FBXO16: variants seen among roughly 807,000 people sequenced by gnomAD.
The protein encoded by FBXO16 is F-box protein 16, also known as F-box only protein 16.
In FBXO16, 31 loss-of-function variants were observed where a neutral mutation model predicts 41.0. The ratio of observed to expected loss-of-function variants is 0.76; its 90% CI spans 0.57 to 1.02. The LOEUF (loss-of-function observed/expected upper bound fraction) is 1.02, where lower values mean the gene tolerates loss of function less well. Among genes scored for constraint, FBXO16 ranks in the 50% least tolerant of loss-of-function variants. The pLI is 0.00. For missense variants in FBXO16, 361 were observed against 346.2 expected (o/e 1.04, Z -0.34); for synonymous variants, 133 against 117.8 (o/e 1.13, Z -0.84).
intron 1 of FBXO16, among the ~76,000 whole-genome samples, chr8:28,489,636 G>T (rs1277179002): frequency 6.6e-6 from 1 of 151,742 alleles, no homozygotes; most frequent in Non-Finnish European, 1.5e-5. Context: ...GGAGTTCAAG[G>T]CTGCAGTGAG....
chr8:28,468,457 C>T (rs978458661), intron 3 of FBXO16, among the ~76,000 whole-genome samples: 9 of 152,112 alleles, frequency 5.9e-5, no homozygotes, highest in African/African-American at 2.2e-4. Context: ...ATTGGTTATA[C>T]GATCTCTTCT....
At chr8:28,460,280 A>C in intron 4 of FBXO16, among the ~76,000 whole-genome samples, 1 of 118,430 alleles carries the variant, frequency 8.4e-6, no homozygotes. Flanking sequence ...ACAAAGTCTC[A>C]CCCTGTTGCT....
Position 28,452,317 on chromosome 8 carries a change from C to T in FBXO16, c.667G>A (p.Asp223Asn), listed in dbSNP as rs770942534. The T allele has an allele frequency of 6.2e-6, 10 of 1,614,046 alleles. No homozygotes were observed. The highest frequency in any genetic ancestry group is 1.3e-5 in the African/African-American group (1 of 74,916). The change falls in exon 6 of 9, where the codon GAT (aspartate) becomes AAT (asparagine). Residue 223 changes from aspartate to asparagine, a missense_variant. Coordinates refer to ENST00000380254, the MANE Select transcript of FBXO16 (RefSeq NM_172366.4). ...EKALPPWRSS[D>N]KHPTDIIRFN... ...CGAATGATATCTGTTGGGTGCTTAT[C>T]AGAAGATCGCCAGGGTGGAAGTGCT... is the stretch of plus-strand genomic sequence containing the variant.
At chr8:28,462,427 C>T (rs201873985) in intron 4 of FBXO16, among the ~76,000 whole-genome samples, 12 of 151,788 alleles carry the variant, frequency 7.9e-5, no homozygotes, top group African/African-American at 2.7e-4. Flanking sequence ...TACAGGCGCC[C>T]GCCACCACGC....
chr8:28,465,903 G>T (rs1428806858), intron 3 of FBXO16, among the ~76,000 whole-genome samples: 1 of 152,092 alleles, frequency 6.6e-6, no homozygotes, highest in South Asian at 2.1e-4. Context: ...CTCCATTCTG[G>T]GTTGGTTTGG....
chr8:28,428,835 A>G, intron 8 of FBXO16, 99 bp from the exon 9 acceptor site: 2 of 1,309,878 alleles, frequency 1.5e-6, no homozygotes, highest in Non-Finnish European at 2.0e-6. Flanking sequence ...GATTTTACAA[A>G]ATTATAGGGC....
chr8:28,449,069 A>G (rs996406251), intron 6 of FBXO16: 4 of 152,196 alleles, frequency 2.6e-5, no homozygotes, highest in Admixed American at 6.5e-5. Flanking sequence ...TGTTCAGTAT[A>G]TACGTAAGCC....
chr8:28,472,989 G>C (rs1376871538), intron 3 of FBXO16, among the ~76,000 whole-genome samples: 2 of 152,068 alleles, frequency 1.3e-5, no homozygotes, highest in Admixed American at 6.5e-5. Context: ...AACTGTATCA[G>C]AACCAGCTGG....
intron 2 of FBXO16, among the ~76,000 whole-genome samples, chr8:28,481,252 T>C (rs1803507505): frequency 1.3e-5 from 2 of 152,094 alleles, no homozygotes; most frequent in Admixed American, 6.5e-5. Context: ...GGGACAAGAA[T>C]AGAGGATGGA....
chr8:28,480,741 G>T (rs1229683908), intron 2 of FBXO16, among the ~76,000 whole-genome samples: 5 of 152,120 alleles, frequency 3.3e-5, no homozygotes, highest in African/African-American at 1.2e-4. Context: ...CTGACCTCAG[G>T]TGATCCACTC....
chr8:28,443,111 C>T (rs1014048248), intron 7 of FBXO16, among the ~76,000 whole-genome samples: 4 of 151,844 alleles, frequency 2.6e-5, no homozygotes, highest in Admixed American at 2.0e-4. Context: ...TTCAAACTCC[C>T]GGGCTCAAGT....
At position 28,484,144 on chromosome 8, in the gene FBXO16, C is replaced by T. The variant is rs1205379117; in HGVS notation, c.-16-682G>A. Among the ~76,000 whole-genome samples the T allele has an allele frequency of 1.3e-5, 2 of 152,274 alleles. 1 individual carries two copies. Among genetic ancestry groups the T allele is most frequent in the South Asian group, 4.1e-4 (2 of 4,820 alleles). On this transcript the variant is annotated intron_variant, in intron 1 of 8. Coordinates refer to ENST00000380254, the MANE Select transcript of FBXO16 (RefSeq NM_172366.4). Reference sequence around the variant, plus strand: ...TCTGGGGGGAAATCCAGAATCACTCCTAGCTAAGGACATACTATATTGGCC... The same window carrying T: ...TCTGGGGGGAAATCCAGAATCACTCTTAGCTAAGGACATACTATATTGGCC...
rs56197407 is a variant in FBXO16 at position 28,487,392 on chromosome 8, A to ATT, written c.-17+2792_-17+2793dup. On this transcript the variant is annotated intron_variant, in intron 1 of 8. Transcript: ENST00000380254. ...CCATTTGCTACTATTAAGAAGACAG[A>ATT]TTTTTTTTTTTTTTTTTTTTGAGAT... Among the ~76,000 whole-genome samples, 294 of 125,726 alleles carry ATT rather than the reference A, an allele frequency of 2.3e-3. 2 individuals are homozygous for ATT. Among genetic ancestry groups the ATT allele is most frequent in the African/African-American group, 3.4e-3 (113 of 33,506 alleles). 82.5% of individuals were successfully genotyped at this position (125,726 alleles called of 152,430 possible).
chr8:28,465,497 C>A, intron 3 of FBXO16: 1 of 400,372 alleles, frequency 2.5e-6, no homozygotes, highest in South Asian at 1.8e-5. Context: ...CGCCTGTGGT[C>A]CCAGCTACTC....
intron 4 of FBXO16, among the ~76,000 whole-genome samples, chr8:28,460,881 C>T (rs1004023863): frequency 6.6e-6 from 1 of 151,980 alleles, no homozygotes; most frequent in Non-Finnish European, 1.5e-5. Context: ...ACTATGGGCA[C>T]GTGCCACCAC....
intron 7 of FBXO16, among the ~76,000 whole-genome samples, chr8:28,441,741 A>AAG (rs1287960117): frequency 9.3e-5 from 13 of 140,410 alleles, no homozygotes; most frequent in Non-Finnish European, 2.0e-4. Context: ...CGTCTCAAAA[A>AAG]AAAAAAAAAA....
chr8:28,448,016 A>C (rs1802893315), intron 6 of FBXO16, among the ~76,000 whole-genome samples: 1 of 152,120 alleles, frequency 6.6e-6, no homozygotes, highest in South Asian at 2.1e-4. Flanking sequence ...AGTTACCTGT[A>C]AGTAGGATTC....
At chr8:28,452,602 A>C (rs1585901926) in intron 5 of FBXO16, 126 bp from the exon 6 acceptor site, 1 of 802,718 alleles carries the variant, frequency 1.2e-6, no homozygotes. Flanking sequence ...GAAGTTCGAG[A>C]CCAGCCTGGC....
chr8:28,450,088 C>T (rs1465579256), intron 6 of FBXO16, among the ~76,000 whole-genome samples: 1 of 151,522 alleles, frequency 6.6e-6, no homozygotes, highest in East Asian at 1.9e-4. Context: ...CTACAATAAT[C>T]AAAACAGTGT....
Sources: allele counts gnomAD v4.1 joint callset (sites outside exome capture counted in the v4.1 genomes callset), GRCh38; gene constraint gnomAD v4.1.1; transcripts MANE v1.5; gene names NCBI Gene and HGNC (gene_info 2026-07-23, HGNC 2026-07-21).